CFAP299: variants seen among roughly 807,000 people sequenced by gnomAD.
CFAP299 encodes the protein cilia and flagella associated protein 299, also known as cilia- and flagella-associated protein 299.
A neutral mutation model predicts 27.0 loss-of-function variants in CFAP299; 21 were observed. The ratio of observed to expected loss-of-function variants is 0.78; its 90% CI spans 0.55 to 1.12. The LOEUF (loss-of-function observed/expected upper bound fraction) is 1.12. Among genes scored for constraint, CFAP299 ranks in the 50% most tolerant of loss-of-function variants. The probability of loss-of-function intolerance (pLI) is 0.00; values close to 1 mark genes in which losing one functional copy is unlikely to be tolerated. For missense variants in CFAP299, 310 were observed against 276.6 expected (o/e 1.12, Z -0.86); for synonymous variants, 104 against 98.1 (o/e 1.06, Z -0.36).
At chr4:80,504,462 CATATATATATATAT>C (rs56729877) in intron 2 of CFAP299, among the ~76,000 whole-genome samples, 1,109 of 37,810 alleles carry the variant, frequency 0.029, 38 homozygotes, top group South Asian at 0.16. Flanking sequence ...TAAAATCTCA[CATATATATATATAT>C]ATATATATAT....
chr4:80,899,416 A>G (rs1734774028), intron 4 of CFAP299, among the ~76,000 whole-genome samples: 2 of 152,196 alleles, frequency 1.3e-5, no homozygotes, highest in African/African-American at 4.8e-5. Context: ...CCAATTTTAT[A>G]TGTTGGGAAG....
At chr4:80,412,337 T>C (rs1199436384) in intron 2 of CFAP299, among the ~76,000 whole-genome samples, 1 of 151,950 alleles carries the variant, frequency 6.6e-6, no homozygotes, top group Non-Finnish European at 1.5e-5. Flanking sequence ...TACATGTGCA[T>C]ATTATAAGCT....
At chr4:80,881,565 TA>T (rs76420109) in intron 4 of CFAP299, among the ~76,000 whole-genome samples, 38,696 of 152,150 alleles carry the variant, frequency 0.25, 6,217 homozygotes, top group Admixed American at 0.36. Context: ...AGTTGGCCTC[TA>T]TCTTGCCTCA....
chr4:80,432,446 C>T (rs11938178), intron 2 of CFAP299, among the ~76,000 whole-genome samples: 29,340 of 151,816 alleles, frequency 0.19, 3,007 homozygotes, highest in South Asian at 0.29. Flanking sequence ...CAACCATGCC[C>T]GGCCCTTTCA....
upstream of CFAP299, among the ~76,000 whole-genome samples, chr4:80,333,605 A>G (rs1722016849): frequency 6.6e-6 from 1 of 152,182 alleles, no homozygotes; most frequent in Non-Finnish European, 1.5e-5. Context: ...GAAACTTTTT[A>G]ATATACTTCC....
chr4:80,589,313 C>T (rs1736604307), intron 3 of CFAP299, among the ~76,000 whole-genome samples: 1 of 152,052 alleles, frequency 6.6e-6, no homozygotes, highest in Non-Finnish European at 1.5e-5. Context: ...GCTCATTAAC[C>T]ATTGAGCCCC....
chr4:80,434,824 T>G (rs1484145397), intron 2 of CFAP299, among the ~76,000 whole-genome samples: 1 of 152,226 alleles, frequency 6.6e-6, no homozygotes, highest in Admixed American at 6.5e-5. Context: ...TGATTGATCC[T>G]TAAGGATGCT....
intron 3 of CFAP299, among the ~76,000 whole-genome samples, chr4:80,849,137 G>A (rs991333328): frequency 1.3e-5 from 2 of 151,936 alleles, no homozygotes; most frequent in South Asian, 2.1e-4. Flanking sequence ...TAAAATATTT[G>A]TCTTTATATC....
intron 5 of CFAP299, among the ~76,000 whole-genome samples, chr4:80,948,841 A>G (rs1314039903): frequency 6.6e-6 from 1 of 152,114 alleles, no homozygotes; most frequent in Non-Finnish European, 1.5e-5. Flanking sequence ...AACAATAATA[A>G]TAATAGTAAT....
intron 2 of CFAP299, chr4:80,386,482 G>C (rs955770246): frequency 7.2e-5 from 112 of 1,544,990 alleles, no homozygotes; most frequent in Non-Finnish European, 1.3e-5. Context: ...CCGCCACGGC[G>C]CGGGGCTGCC....
chr4:80,570,547 G>A (rs2110233751), intron 2 of CFAP299, among the ~76,000 whole-genome samples: 1 of 152,142 alleles, frequency 6.6e-6, no homozygotes, highest in South Asian at 2.1e-4. Context: ...GCACTCTGAG[G>A]TTGCTTAACC....
intron 2 of CFAP299, among the ~76,000 whole-genome samples, chr4:80,539,264 CA>C (rs1169731355): frequency 6.6e-6 from 1 of 152,120 alleles, no homozygotes; most frequent in African/African-American, 2.4e-5. Flanking sequence ...AAAACAGTGT[CA>C]AACGTGGAGA....
chr4:80,817,425 C>T (rs1729476779), intron 3 of CFAP299, among the ~76,000 whole-genome samples: 3 of 152,010 alleles, frequency 2.0e-5, no homozygotes, highest in South Asian at 4.2e-4. Flanking sequence ...AATATGAATA[C>T]ATTAAAGTTA....
intron 3 of CFAP299, among the ~76,000 whole-genome samples, chr4:80,701,290 GC>G (rs1721464045): frequency 6.6e-6 from 1 of 151,950 alleles, no homozygotes; most frequent in Admixed American, 6.6e-5. Flanking sequence ...ATTTCTCATA[GC>G]TCTTCCCTTG....
chr4:80,405,424 G>T (rs1431089974), intron 2 of CFAP299, among the ~76,000 whole-genome samples: 3 of 152,076 alleles, frequency 2.0e-5, no homozygotes, highest in African/African-American at 7.2e-5. Flanking sequence ...TTATGAAATG[G>T]TAATAATAAT....
intron 2 of CFAP299, among the ~76,000 whole-genome samples, chr4:80,393,090 T>C (rs571205881): frequency 6.6e-6 from 1 of 152,232 alleles, no homozygotes; most frequent in South Asian, 2.1e-4. Flanking sequence ...CTTAGGCTAA[T>C]GTGTGAGCAT....
intron 5 of CFAP299, among the ~76,000 whole-genome samples, chr4:80,952,524 G>A (rs1737836350): frequency 6.6e-6 from 1 of 152,116 alleles, no homozygotes; most frequent in Admixed American, 6.6e-5. Flanking sequence ...ATGGGTAAAT[G>A]AGAGTAGCAA....
At chr4:80,608,189 A>C in intron 3 of CFAP299, 1 of 535,328 alleles carries the variant, frequency 1.9e-6, no homozygotes, top group Non-Finnish European at 3.3e-6. Context: ...ACCATTCACA[A>C]GTGTTGTCGA....
At chr4:80,900,778 G>T (rs1487495070) in intron 4 of CFAP299, among the ~76,000 whole-genome samples, 1 of 151,570 alleles carries the variant, frequency 6.6e-6, no homozygotes, top group African/African-American at 2.4e-5. Flanking sequence ...AATAAACAGG[G>T]CTGGGATTTG....
Sources: gnomAD v4.1 joint callset for allele counts (sites outside exome capture counted in the v4.1 genomes callset) on GRCh38, gnomAD v4.1.1 for gene constraint, MANE v1.5 for transcripts, NCBI Gene and HGNC (gene_info 2026-07-23, HGNC 2026-07-21) for gene names.